TNRC18: variants seen among roughly 807,000 people sequenced by gnomAD.
The protein encoded by TNRC18 is trinucleotide repeat-containing gene 18 protein.
TNRC18 carries 69 observed loss-of-function variants against 226.7 expected under a neutral mutation model. The ratio of observed to expected loss-of-function variants is 0.30; its 90% CI spans 0.25 to 0.37. TNRC18 has a LOEUF of 0.37. Among genes scored for constraint, TNRC18 ranks in the 10% least tolerant of loss-of-function variants. TNRC18 has a pLI of 1.00. For missense variants in TNRC18, 4,754 were observed against 4,256.6 expected (o/e 1.12, Z -3.25); for synonymous variants, 2,449 against 1,927.6 (o/e 1.27, Z -7.09).
intron 29 of TNRC18, among the ~76,000 whole-genome samples, 172 bp from the exon 30 acceptor site, chr7:5,308,484 A>G (rs1786819303): frequency 6.6e-6 from 1 of 152,074 alleles, no homozygotes; most frequent in Admixed American, 6.6e-5. Flanking sequence ...AGAGACAGAG[A>G]CCGAGAGATG....
At chr7:5,347,765 G>A (rs1468897644) in intron 17 of TNRC18, among the ~76,000 whole-genome samples, 2 of 152,028 alleles carry the variant, frequency 1.3e-5, no homozygotes, top group African/African-American at 4.8e-5. Flanking sequence ...GACCAGCCTG[G>A]CCAACCTGGT....
At chr7:5,361,234 C>T (rs967069660) in intron 14 of TNRC18, among the ~76,000 whole-genome samples, 15 of 152,180 alleles carry the variant, frequency 9.9e-5, no homozygotes, top group African/African-American at 2.7e-4. Context: ...GGTCATAGCC[C>T]GTCCCAACAA....
In TNRC18 at chr7:5,309,063, G is replaced by C. The variant is rs1295734944; in HGVS notation, c.8625+69C>G. Reference sequence around the variant, plus strand: ...AGGGCTGCTGATGCTCCAGCACCCAGAACGCCTCGCCCTCAGGTCTGCCCT... The same window carrying C: ...AGGGCTGCTGATGCTCCAGCACCCACAACGCCTCGCCCTCAGGTCTGCCCT... On this transcript the variant is annotated intron_variant, in intron 28 of 29. Coordinates refer to ENST00000430969, the MANE Select transcript of TNRC18 (RefSeq NM_001080495.3). The surrounding 1 kb of genome is among the most constrained non-coding windows in gnomAD (Gnocchi z 5.7). 8 of 1,507,650 alleles carry C rather than the reference G, an allele frequency of 5.3e-6. No homozygotes were observed. The highest frequency in any genetic ancestry group is 7.2e-6 in the Non-Finnish European group (8 of 1,109,092). 93.4% of individuals were successfully genotyped at this position (1,507,650 alleles called of 1,614,324 possible).
chr7:5,375,926 T>TAAA, intron 9 of TNRC18, 108 bp downstream of exon 9: 1 of 1,142,126 alleles, frequency 8.8e-7, no homozygotes, highest in Non-Finnish European at 1.2e-6. Context: ...GCCCCTCTGC[T>TAAA]GTTTTCTCCC....
intron 2 of TNRC18, among the ~76,000 whole-genome samples, chr7:5,398,460 G>A (rs768452091): frequency 4.6e-5 from 7 of 151,540 alleles, no homozygotes; most frequent in South Asian, 4.2e-4. Context: ...GTGAGCCACC[G>A]TGCCTGGCCA....
At chr7:5,389,461 G>GTTTTTTTCTTT in intron 4 of TNRC18, 125 bp from the exon 5 acceptor site, 3 of 564,672 alleles carry the variant, frequency 5.3e-6, no homozygotes, top group Non-Finnish European at 6.8e-6. Context: ...TTTGGTTTTG[G>GTTTTTTTCTTT]TTTTTTTTTT....
Position 5,329,412 on chromosome 7 carries a change from G to A in TNRC18, c.6147+3210C>T, listed in dbSNP as rs143327788. Among the ~76,000 whole-genome samples, 612 of 151,762 alleles carry A rather than the reference G, an allele frequency of 4.0e-3. 5 individuals carry two copies. The highest frequency in any genetic ancestry group is 0.014 in the African/African-American group (580 of 41,414). On this transcript the variant is annotated intron_variant, in intron 19 of 29. Coordinates refer to ENST00000430969, the MANE Select transcript of TNRC18 (RefSeq NM_001080495.3). ...TGAAAAGCAGAATACAGCCAGGAGC[G>A]GTGGCCCACAACTGTAATCCCAGCA...
chr7:5,317,663 C>CAAA (rs976331934), intron 24 of TNRC18, among the ~76,000 whole-genome samples: 2 of 145,502 alleles, frequency 1.4e-5, no homozygotes, highest in Admixed American at 6.9e-5. Context: ...GTTGATAAAA[C>CAAA]AAAAAAAAAT....
chr7:5,358,843 C>T (rs1158678541), intron 15 of TNRC18, among the ~76,000 whole-genome samples: 1 of 152,100 alleles, frequency 6.6e-6, no homozygotes, highest in East Asian at 1.9e-4. Context: ...AAAACTACCC[C>T]TTTGCACTGG....
At chr7:5,346,043 G>C (rs1791158303) in intron 17 of TNRC18, among the ~76,000 whole-genome samples, 1 of 152,274 alleles carries the variant, frequency 6.6e-6, no homozygotes, top group Non-Finnish European at 1.5e-5. Flanking sequence ...GAGGTGGGCA[G>C]CGGCCTTGTG....
chr7:5,421,072 G>T lies in TNRC18; in HGVS notation c.175C>A (p.His59Asn). 6.6e-7 allele frequency: 1 copy of T among 1,511,202 alleles called. No individual in the cohort carries two copies. The highest frequency in any genetic ancestry group is 1.8e-4 in the Middle Eastern group (1 of 5,704). 93.6% of individuals were successfully genotyped at this position (1,511,202 alleles called of 1,614,324 possible). A position where few individuals can be genotyped will look rare whatever the true frequency, so the allele number is the denominator to read the frequency against. ...PGKYMAGLNL[H>N]PHPGEAFLGS... ...GCGGGGCACTTACCCGGGTGCGGAT[G>T]GAGATTCAGGCCGGCCATGTACTTC... is the stretch of plus-strand genomic sequence containing the variant. The change falls in exon 2 of 30, where the codon CAT (histidine) becomes AAT (asparagine). Residue 59 changes from histidine (H) to asparagine (N), a missense_variant. Physicochemically the swap from His to Asn is moderately conservative, Grantham distance 68. Transcript: ENST00000430969.
intron 18 of TNRC18, among the ~76,000 whole-genome samples, chr7:5,336,143 G>A (rs1391262905): frequency 1.3e-5 from 2 of 151,576 alleles, no homozygotes; most frequent in Non-Finnish European, 2.9e-5. Context: ...GGAGGCGGAG[G>A]TTGCCATGAG....
chr7:5,368,643 T>TCAC (rs10645074), intron 11 of TNRC18, among the ~76,000 whole-genome samples: 90,924 of 137,782 alleles, frequency 0.66, 29,603 homozygotes, highest in South Asian at 0.78. Context: ...CCAGCCTGGG[T>TCAC]GACAGAGTGA....
chr7:5,374,835 C>G (rs529504981), intron 9 of TNRC18, among the ~76,000 whole-genome samples: 2 of 152,346 alleles, frequency 1.3e-5, no homozygotes, highest in Admixed American at 6.5e-5. Flanking sequence ...GGCCCCACAC[C>G]TCGATGGCAT....
Position 5,313,544 on chromosome 7 carries a change from C to T in TNRC18, c.7347G>A (p.Lys2449=). Residue 2449 remains lysine (K), a synonymous_variant, in exon 27 of 30, where the codon AAG becomes AAA. Coordinates refer to ENST00000430969, the MANE Select transcript of TNRC18 (RefSeq NM_001080495.3). ...CCTCCTCCCCCGGCCTCCGAGGGCC[C>T]TTGGCACCCGACTCCTCGGCTGCCC... ...KARAAEESGA[K]GPRRPGEEAE... is the part of the protein sequence containing the mutation. 6.2e-7 allele frequency: 1 copy of T among 1,610,564 alleles called. No homozygotes were observed. The highest frequency in any genetic ancestry group is 1.7e-5 in the Admixed American group (1 of 59,568).
At chr7:5,420,231 C>T (rs1161661583) in intron 2 of TNRC18, 6 of 364,106 alleles carry the variant, frequency 1.6e-5, no homozygotes, top group Admixed American at 6.9e-5. Context: ...TGGTGGAGGC[C>T]GCGGGACCTT....
At position 5,309,506 on chromosome 7, in the gene TNRC18, C is replaced by CT; in HGVS notation, c.8389-139dup. On this transcript the variant is annotated intron_variant, in intron 27 of 29. Coordinates refer to ENST00000430969, the MANE Select transcript of TNRC18 (RefSeq NM_001080495.3). This position sits in a 1 kb window ranked among gnomAD's most constrained non-coding sequence, Gnocchi z 5.7. ...ATCCAACTGTGGGGAGATGAGGAAG[C>CT]TCCTTGTCTCGCTTCAAGTGGGGAA... 1 of 710,252 alleles carries CT rather than the reference C, an allele frequency of 1.4e-6. No homozygotes were observed. The allele number at this position is 710,252 out of a possible 1,614,324, so 44.0% of individuals were successfully genotyped here.
Position 5,345,517 on chromosome 7 carries a change from G to GAC in TNRC18, c.5719+44_5719+45insGT. 93 of 377,744 alleles carry GAC rather than the reference G, an allele frequency of 2.5e-4. 4 individuals are homozygous for GAC. The highest frequency in any genetic ancestry group is 1.3e-3 in the South Asian group (30 of 22,822). 23.4% of individuals were successfully genotyped at this position (377,744 alleles called of 1,614,324 possible). A position where few individuals can be genotyped will look rare whatever the true frequency, so the allele number is the denominator to read the frequency against. On this transcript the variant is annotated intron_variant, in intron 18 of 29. Coordinates refer to ENST00000430969, the MANE Select transcript of TNRC18 (RefSeq NM_001080495.3). ...CCTGTGGGATGGGGCAATGGCGTCC[G>GAC]CCCCTCCCACCCACCCCCACCGCAG...
chr7:5,313,008 G>C lies in TNRC18; in HGVS notation c.7883C>G (p.Ser2628Cys). ...GGAGGAGGAGGAAGAGGAGGATGAG[G>C]AGGAGGAGGAGGAGGAGGAGGAGGA... is the stretch of plus-strand genomic sequence containing the variant. ...SSSSSSSSSSSSSSSSSSSSS... is the reference protein window; with the variant it reads ...SSSSSSSSSSCSSSSSSSSSS... The change falls in exon 27 of 30, where the codon TCC becomes TGC. Residue 2628 changes from serine to cysteine, a missense_variant. Ser to Cys is a moderately radical substitution (Grantham distance 112). Transcript: ENST00000430969. 1 of 794,154 alleles carries C rather than the reference G, an allele frequency of 1.3e-6. No individual in the cohort carries two copies. Among genetic ancestry groups the C allele is most frequent in the Non-Finnish European group, 2.0e-6 (1 of 488,976 alleles). The allele number at this position is 794,154 out of a possible 1,614,324, so 49.2% of individuals were successfully genotyped here. A position where few individuals can be genotyped will look rare whatever the true frequency, so the allele number is the denominator to read the frequency against.
Sources: gnomAD v4.1 joint callset for allele counts (sites outside exome capture counted in the v4.1 genomes callset) on GRCh38, gnomAD v4.1.1 for gene constraint, Gnocchi (gnomAD v3.1) non-coding constraint, MANE v1.5 for transcripts, NCBI Gene and HGNC (gene_info 2026-07-23, HGNC 2026-07-21) for gene names.